Variants in SHROOM3 observed in about 807,000 individuals in gnomAD.
The protein encoded by SHROOM3 is protein Shroom3.
SHROOM3 carries 47 observed loss-of-function variants against 138.6 expected under a neutral mutation model. That is an observed-to-expected ratio of 0.34 (90% CI 0.27 to 0.43). SHROOM3 has a LOEUF of 0.43. Among genes scored for constraint, SHROOM3 ranks in the 20% least tolerant of loss-of-function variants. SHROOM3 has a pLI of 1.00. For missense variants in SHROOM3, 2,491 were observed against 2,596.5 expected, an observed-to-expected ratio of 0.96 and a Z score of 0.88; for synonymous variants, 1,062 against 1,063.3, an observed-to-expected ratio of 1.00 and a Z score of 0.02.
intron 2 of SHROOM3, among the ~76,000 whole-genome samples, chr4:76,693,971 GA>G (rs34286056): frequency 1.4e-5 from 1 of 74,060 alleles, no homozygotes. Flanking sequence ...GATGTAGGTA[GA>G]AAAAAAAAAC....
intron 2 of SHROOM3, among the ~76,000 whole-genome samples, chr4:76,657,940 T>C (rs1387319770): frequency 6.6e-6 from 1 of 152,192 alleles, no homozygotes; most frequent in African/African-American, 2.4e-5. Context: ...GTCCTCTCCA[T>C]GGAGTTCAGC....
intron 1 of SHROOM3, among the ~76,000 whole-genome samples, chr4:76,466,469 C>A (rs1386541787): frequency 2.6e-4 from 39 of 152,150 alleles, no homozygotes. Flanking sequence ...GTTGTATGAA[C>A]CAAATGTCTT....
chr4:76,527,229 C>A (rs1398897877), intron 1 of SHROOM3, among the ~76,000 whole-genome samples: 1 of 152,026 alleles, frequency 6.6e-6, no homozygotes, highest in African/African-American at 2.4e-5. Flanking sequence ...TGTGGTTTTT[C>A]CCTTCATAAA....
intron 1 of SHROOM3, among the ~76,000 whole-genome samples, chr4:76,497,543 A>G (rs1731994222): frequency 1.3e-5 from 2 of 152,194 alleles, no homozygotes; most frequent in Non-Finnish European, 2.9e-5. Context: ...ACAGCAAGGC[A>G]TGCCTGACAT....
chr4:76,739,728 A>T lies in SHROOM3; in HGVS notation c.1555A>T (p.Asn519Tyr), dbSNP rs1560607924. Residue 519 changes from asparagine to tyrosine, a missense_variant, in exon 5 of 11, where the codon AAC (asparagine) becomes TAC (tyrosine). By Grantham distance (143) the Asn-to-Tyr change is moderately radical. Around this residue, in one of 4 missense-constraint regions of SHROOM3, gnomAD observed 1,733 missense variants for 1,661.6 expected, o/e 1.04. Transcript: ENST00000296043. ...GATGGCTACCATTGATGAGAATGGG[A>T]ACCAGAATGGATCTGGCAGGCCTGG... is the stretch of plus-strand genomic sequence containing the variant. The part of the protein sequence containing the change: ...NKMATIDENG[N>Y]QNGSGRPGFA... 1 of 1,614,218 alleles carries T rather than the reference A, an allele frequency of 6.2e-7. No homozygotes were observed.
chr4:76,616,215 C>A (rs1383201514), intron 2 of SHROOM3, among the ~76,000 whole-genome samples: 1 of 152,132 alleles, frequency 6.6e-6, no homozygotes, highest in Non-Finnish European at 1.5e-5. Flanking sequence ...CTCATTTAAC[C>A]TTGAGATTCT....
intron 2 of SHROOM3, among the ~76,000 whole-genome samples, chr4:76,687,189 T>C (rs1344433854): frequency 6.6e-6 from 1 of 152,216 alleles, no homozygotes; most frequent in Non-Finnish European, 1.5e-5. Context: ...AAATTACAAG[T>C]TCCAGACTGG....
chr4:76,588,901 C>CA lies in SHROOM3; in HGVS notation c.323+33148dup, dbSNP rs34293919. On this transcript the variant is annotated intron_variant, in intron 2 of 10. Coordinates refer to ENST00000296043, the MANE Select transcript of SHROOM3 (RefSeq NM_020859.4). ...TGTTTTTTAGAAAACAAAAAATAAACAAAAAAAAAATCCCCAGCAGTCTTA... is the reference window on the plus strand; with the variant it reads ...TGTTTTTTAGAAAACAAAAAATAAACAAAAAAAAAAATCCCCAGCAGTCTTA... Among the ~76,000 whole-genome samples the CA allele has an allele frequency of 1.5e-3, 226 of 150,482 alleles. 1 individual carries two copies. Among genetic ancestry groups the CA allele is most frequent in the African/African-American group, 4.3e-3 (176 of 41,068 alleles).
intron 2 of SHROOM3, among the ~76,000 whole-genome samples, chr4:76,596,624 A>ACACACACT (rs1491306498): frequency 4.9e-4 from 69 of 141,592 alleles, no homozygotes; most frequent in African/African-American, 1.7e-3. Context: ...ACACACACAC[A>ACACACACT]CTCTCCAACA....
At position 76,688,840 on chromosome 4, in the gene SHROOM3, C is replaced by G. The variant is rs1719411301; in HGVS notation, c.324-21316C>G. On this transcript the variant is annotated intron_variant, in intron 2 of 10. Transcript: ENST00000296043. Reference sequence around the variant, plus strand: ...TAATCAGAGACGATGCTTATGGAAACAAAAACAGGCCCGGAAGGAAGGCTT... The same window carrying G: ...TAATCAGAGACGATGCTTATGGAAAGAAAAACAGGCCCGGAAGGAAGGCTT... 4.1e-6 allele frequency: 4 copies of G among 985,114 alleles called. No individual in the cohort carries two copies. In the South Asian group the frequency reaches 1.9e-4, roughly 46 times the overall value. 61.0% of individuals were successfully genotyped at this position (985,114 alleles called of 1,614,324 possible).
intron 1 of SHROOM3, chr4:76,532,215 T>C (rs1317105916): frequency 2.0e-5 from 3 of 152,356 alleles, no homozygotes; most frequent in South Asian, 2.1e-4. Context: ...GCTTCATCCA[T>C]GTCCCTAAAA....
intron 2 of SHROOM3, chr4:76,689,530 G>A: frequency 1.0e-6 from 1 of 983,610 alleles, no homozygotes; most frequent in Non-Finnish European, 1.2e-6. Flanking sequence ...CTGTAGCCGC[G>A]GCGCGGTGGC....
At chr4:76,589,238 T>C (rs1271328666) in intron 2 of SHROOM3, among the ~76,000 whole-genome samples, 1 of 152,108 alleles carries the variant, frequency 6.6e-6, no homozygotes, top group Non-Finnish European at 1.5e-5. Flanking sequence ...GAGGCCAAGG[T>C]GGGCAGATCA....
At chr4:76,681,164 G>C (rs1271449262) in intron 2 of SHROOM3, among the ~76,000 whole-genome samples, 1 of 152,154 alleles carries the variant, frequency 6.6e-6, no homozygotes, top group Non-Finnish European at 1.5e-5. Context: ...TGTGCTGTTT[G>C]ATGCTTTGAG....
Position 76,740,750 on chromosome 4 carries a change from C to G in SHROOM3, c.2577C>G (p.Ser859=). The G allele has an allele frequency of 6.2e-7, 1 of 1,613,116 alleles. No individual in the cohort carries two copies. Among genetic ancestry groups the G allele is most frequent in the Middle Eastern group, 1.7e-4 (1 of 6,048 alleles). The part of the protein sequence containing the change: ...KNGELKLEEA[S]RQPCGQQLSG... ...GGGAGCTGAAGTTGGAAGAGGCTTC[C>G]CGGCAGCCCTGCGGTCAGCAGCTGA... is the stretch of plus-strand genomic sequence containing the variant. The change falls in exon 5 of 11, where the codon TCC becomes TCG. Residue 859 remains serine (S), a synonymous_variant. Transcript: ENST00000296043. This position sits in a 1 kb window ranked among gnomAD's most constrained non-coding sequence, Gnocchi z 4.0.
intron 2 of SHROOM3, among the ~76,000 whole-genome samples, chr4:76,700,784 T>C (rs1347053365): frequency 6.6e-6 from 1 of 151,794 alleles, no homozygotes; most frequent in African/African-American, 2.4e-5. Flanking sequence ...TTCTTTTATT[T>C]ATTTATTTAT....
chr4:76,692,506 C>T (rs1003793908), intron 2 of SHROOM3, among the ~76,000 whole-genome samples: 3 of 152,186 alleles, frequency 2.0e-5, no homozygotes, highest in Admixed American at 6.5e-5. Context: ...AACATTTCCA[C>T]GCCTAGGTAT....
intron 1 of SHROOM3, among the ~76,000 whole-genome samples, chr4:76,455,861 A>C (rs1731017017): frequency 6.6e-6 from 1 of 152,144 alleles, no homozygotes; most frequent in African/African-American, 2.4e-5. Context: ...ATCCCCAGCA[A>C]CTGTAGTTGT....
At position 76,574,795 on chromosome 4, in the gene SHROOM3, T is replaced by C. The variant is rs543659662; in HGVS notation, c.323+19032T>C. ...TAGTCAAATTCATACACAAAAAATG[T>C]AGAATGGCAGTTGCCACAGGTTGGG... On this transcript the variant is annotated intron_variant, in intron 2 of 10. Coordinates refer to ENST00000296043, the MANE Select transcript of SHROOM3 (RefSeq NM_020859.4). Among the ~76,000 whole-genome samples, 16 of 152,250 alleles carry C rather than the reference T, an allele frequency of 1.1e-4. No homozygotes were observed. The South Asian group carries it at 2.9e-3, about 28-fold the overall frequency.
Sources: allele counts gnomAD v4.1 joint callset (sites outside exome capture counted in the v4.1 genomes callset), GRCh38; gene constraint gnomAD v4.1.1; regional missense constraint gnomAD v4.1.1; non-coding constraint Gnocchi (gnomAD v3.1); transcripts MANE v1.5; gene names NCBI Gene and HGNC (gene_info 2026-07-23, HGNC 2026-07-21).